GLMN: variants seen among roughly 807,000 people sequenced by gnomAD.
GLMN encodes the protein glomulin.
Under a neutral mutation model 87.8 loss-of-function variants are expected in GLMN, and 75 were observed. The ratio of observed to expected loss-of-function variants is 0.85; its 90% CI spans 0.71 to 1.04. The LOEUF is 1.04. GLMN is among the 50% of genes least tolerant of loss of function. The pLI is 0.00. For missense variants in GLMN, 588 were observed against 658.8 expected, an observed-to-expected ratio of 0.89 and a Z score of 1.18; for synonymous variants, 206 against 221.6, an observed-to-expected ratio of 0.93 and a Z score of 0.63.
Position 92,291,520 on chromosome 1 carries a change from C to T in GLMN, c.183G>A (p.Met61Ile), listed in dbSNP as rs1649406723. 2 of 1,613,374 alleles carry T rather than the reference C, an allele frequency of 1.2e-6. No homozygotes were observed. The highest frequency in any genetic ancestry group is 2.7e-5 in the African/African-American group (2 of 74,888). Residue 61 changes from methionine (M) to isoleucine (I), a missense_variant, in exon 4 of 19, where the codon ATG becomes ATA. Physicochemically the swap from Met to Ile is conservative, Grantham distance 10 (BLOSUM62 1). Coordinates refer to ENST00000370360, the MANE Select transcript of GLMN (RefSeq NM_053274.3). ...CAACAGGACCAACGAGATTCCAGCC[C>T]ATATTCTTGATGATGACCTGTAAAA... ...NEKNKVIIKN[M>I]GWNLVGPVVR...
At chr1:92,350,185 G>C in the GLMN span, among the ~76,000 whole-genome samples, 1 of 152,088 alleles carries the variant, frequency 6.6e-6, no homozygotes, top group African/African-American at 2.4e-5. Context: ...GCCCTAAGTG[G>C]TTACCCAAGA....
chr1:92,287,859 T>C (rs1031529735), intron 6 of GLMN, among the ~76,000 whole-genome samples: 6 of 152,096 alleles, frequency 3.9e-5, no homozygotes, highest in Non-Finnish European at 8.8e-5. Context: ...TAATCTAGTC[T>C]ATCACTGTCC....
chr1:92,306,975 G>A, the GLMN span, among the ~76,000 whole-genome samples: 7 of 152,184 alleles, frequency 4.6e-5, no homozygotes, highest in African/African-American at 1.7e-4. Flanking sequence ...ATTTATGGTA[G>A]TGGTTACTTC....
At chr1:92,279,275 G>T (rs1480830016) in intron 7 of GLMN, among the ~76,000 whole-genome samples, 1 of 152,012 alleles carries the variant, frequency 6.6e-6, no homozygotes, top group Non-Finnish European at 1.5e-5. Flanking sequence ...GGCCAACATG[G>T]CGAAACCCCA....
intron 13 of GLMN, among the ~76,000 whole-genome samples, chr1:92,265,033 G>C (rs1356171407): frequency 1.3e-5 from 2 of 152,078 alleles, no homozygotes; most frequent in African/African-American, 4.8e-5. Flanking sequence ...AGTAGAAACA[G>C]GGTTTCACCA....
intron 7 of GLMN, among the ~76,000 whole-genome samples, chr1:92,282,719 T>C (rs1037216655): frequency 6.6e-5 from 10 of 151,900 alleles, no homozygotes; most frequent in African/African-American, 2.4e-4. Flanking sequence ...ACAAAATACA[T>C]AGACCTCTAG....
the GLMN span, among the ~76,000 whole-genome samples, chr1:92,363,065 G>C: frequency 6.6e-6 from 1 of 151,958 alleles, no homozygotes. Context: ...CCTTCTCCAG[G>C]GGGAAAAAAA....
rs1197253898 is a variant in GLMN, at chr1:92,291,422, A to C, written c.281T>G (p.Val94Gly). Residue 94 changes from valine to glycine, a missense_variant, in exon 4 of 19, where the codon GTA (valine) becomes GGA (glycine). Val to Gly is a moderately radical substitution (Grantham distance 109). Transcript: ENST00000370360. ...KVYFLIFDLL[V>G]KLCNPKELLL... ...AACCTTGTTTTGTTAACTTACCTTTACCAATAAATCAAAGATCAAAAAATA... is the reference window on the plus strand; with the variant it reads ...AACCTTGTTTTGTTAACTTACCTTTCCCAATAAATCAAAGATCAAAAAATA... 1 of 1,569,530 alleles carries C rather than the reference A, an allele frequency of 6.4e-7. No homozygotes were observed. The highest frequency in any genetic ancestry group is 1.3e-5 in the African/African-American group (1 of 74,188).
chr1:92,300,528 A>G (rs981603448), upstream of GLMN, among the ~76,000 whole-genome samples: 2 of 152,186 alleles, frequency 1.3e-5, no homozygotes, highest in Admixed American at 1.3e-4. Flanking sequence ...ATTGCTTTAT[A>G]TGCCAGAGAC....
the GLMN span, among the ~76,000 whole-genome samples, chr1:92,346,469 T>C: frequency 6.6e-6 from 1 of 152,158 alleles, no homozygotes; most frequent in African/African-American, 2.4e-5. Flanking sequence ...CAGCCTGTTA[T>C]CATCTTGGAA....
At chr1:92,253,300 C>T (rs1179875999) in intron 16 of GLMN, among the ~76,000 whole-genome samples, 2 of 152,204 alleles carry the variant, frequency 1.3e-5, no homozygotes, top group African/African-American at 4.8e-5. Context: ...TTCCATCTCC[C>T]TGGGACAGAG....
At chr1:92,346,928 C>T in the GLMN span, among the ~76,000 whole-genome samples, 1 of 152,170 alleles carries the variant, frequency 6.6e-6, no homozygotes, top group South Asian at 2.1e-4. Flanking sequence ...TGAAAACTTA[C>T]CAGACACTCA....
Position 92,298,135 on chromosome 1 carries a change from G to T in GLMN, c.-30-106C>A, listed in dbSNP as rs1366270356. On this transcript the variant is annotated intron_variant, in intron 1 of 18. Transcript: ENST00000370360. ...ATTAGTAAATACAATAAAGAAAATGGAAAGTTTTTGTTGTTGTGTTTTTTG... is the reference window on the plus strand; with the variant it reads ...ATTAGTAAATACAATAAAGAAAATGTAAAGTTTTTGTTGTTGTGTTTTTTG... The T allele has an allele frequency of 7.9e-6, 5 of 634,312 alleles. No individual in the cohort carries two copies. The Admixed American group carries it at 8.3e-5, about 11-fold the overall frequency. 39.3% of individuals were successfully genotyped at this position (634,312 alleles called of 1,614,324 possible).
At chr1:92,271,339 A>AT in intron 8 of GLMN, 126 bp downstream of exon 8, 1 of 760,444 alleles carries the variant, frequency 1.3e-6, no homozygotes. Flanking sequence ...TTCTTATTAA[A>AT]AATAGCCTTT....
the GLMN span, among the ~76,000 whole-genome samples, chr1:92,346,100 T>C: frequency 1.3e-5 from 2 of 152,294 alleles, no homozygotes; most frequent in South Asian, 2.1e-4. Flanking sequence ...TTATTCTCTA[T>C]ATTTTTTACC....
At chr1:92,351,673 T>C in the GLMN span, among the ~76,000 whole-genome samples, 1 of 152,188 alleles carries the variant, frequency 6.6e-6, no homozygotes, top group East Asian at 1.9e-4. Context: ...GACCTAAAAC[T>C]GAGAAATACA....
rs1648765781 is a variant in GLMN, at chr1:92,286,496, T to TG, written c.728_729insC (p.Glu243AspfsTer19). ...TTAAATTAGCTGTACTTACTATTAT[T>TG]TCTGATGCAAAATACCTGAAAGGAT... On this transcript the variant is annotated frameshift_variant, in exon 7 of 19. Transcript: ENST00000370360. LOFTEE classifies it high-confidence loss of function. The TG allele has an allele frequency of 1.3e-6, 2 of 1,498,154 alleles. No homozygotes were observed. Among genetic ancestry groups the TG allele is most frequent in the Non-Finnish European group, 1.9e-6 (2 of 1,074,582 alleles). The allele number at this position is 1,498,154 out of a possible 1,614,324, so 92.8% of individuals were successfully genotyped here. A position where few individuals can be genotyped will look rare whatever the true frequency, so the allele number is the denominator to read the frequency against.
intron 6 of GLMN, among the ~76,000 whole-genome samples, chr1:92,288,631 G>A (rs1294746741): frequency 1.3e-5 from 2 of 151,944 alleles, no homozygotes; most frequent in African/African-American, 4.8e-5. Context: ...GTCTCACTAT[G>A]TTGCCAAGGC....
At chr1:92,363,138 CAAGTT>C in the GLMN span, among the ~76,000 whole-genome samples, 30 of 152,132 alleles carry the variant, frequency 2.0e-4, no homozygotes, top group Non-Finnish European at 4.1e-4. Context: ...CCCTGCATCT[CAAGTT>C]AAGATAAGGA....
Sources: allele counts gnomAD v4.1 joint callset (sites outside exome capture counted in the v4.1 genomes callset), GRCh38; gene constraint gnomAD v4.1.1; transcripts MANE v1.5; gene names NCBI Gene and HGNC (gene_info 2026-07-23, HGNC 2026-07-21).